The following PTPN20 variants were observed in gnomAD, a reference collection of about 807,000 sequenced individuals.
The protein encoded by PTPN20 is tyrosine-protein phosphatase non-receptor type 20.
A neutral mutation model predicts 35.0 loss-of-function variants in PTPN20; 9 were observed. The ratio of observed to expected loss-of-function variants is 0.26; its 90% CI spans 0.15 to 0.45. PTPN20 has a LOEUF of 0.45. PTPN20 is among the 20% of genes least tolerant of loss of function. The pLI, the probability that PTPN20 is intolerant of heterozygous loss-of-function variation, is 1.00. For synonymous variants in PTPN20, 32 were observed against 100.2 expected (o/e 0.32, Z 4.06); for missense variants, 111 against 312.5 (o/e 0.36, Z 4.86).
chr10:46,931,944 C>A (rs2039758143), intron 1 of PTPN20, among the ~76,000 whole-genome samples: 1 of 147,504 alleles, frequency 6.8e-6, no homozygotes, highest in Non-Finnish European at 1.5e-5. Flanking sequence ...ACAAGAACTC[C>A]TTGAAGACGG....
At position 46,940,628 on chromosome 10, in the gene PTPN20, G is replaced by C; in HGVS notation, c.40G>C (p.Asp14His). 1 of 1,610,936 alleles carries C rather than the reference G, an allele frequency of 6.2e-7. No homozygotes were observed. Among genetic ancestry groups the C allele is most frequent in the Non-Finnish European group, 8.5e-7 (1 of 1,179,646 alleles). Residue 14 changes from aspartate (D) to histidine (H), a missense_variant, in exon 3 of 11, where the codon GAT (aspartate) becomes CAT (histidine). By Grantham distance (81) the Asp-to-His change is moderately conservative. This residue lies in a region of PTPN20 where 22 missense variants were observed against 49.2 expected (regional missense o/e 0.45). Transcript: ENST00000374339. ...TTCCCCCCGCCTTTGTTCAGTAAACGATTATGAGGGAAATGACTCTGAAGC... is the reference window on the plus strand; with the variant it reads ...TTCCCCCCGCCTTTGTTCAGTAAACCATTATGAGGGAAATGACTCTGAAGC... ...PRDFRAEPVNDYEGNDSEAED... is the reference protein window; with the variant it reads ...PRDFRAEPVNHYEGNDSEAED...
chr10:47,002,721 T>G (rs1269879282), downstream of PTPN20, among the ~76,000 whole-genome samples: 1 of 151,926 alleles, frequency 6.6e-6, no homozygotes, highest in Non-Finnish European at 1.5e-5. Flanking sequence ...TACATATTTT[T>G]AAAGTTGTAT....
At chr10:47,000,530 G>A (rs1459915274) in intron 10 of PTPN20, 146 bp from the exon 11 acceptor site, 19 of 843,702 alleles carry the variant, frequency 2.3e-5, no homozygotes, top group South Asian at 1.2e-4. Flanking sequence ...ATGTATTCAC[G>A]TAAAGTTCTT....
At chr10:46,995,333 C>CT (rs878968027) in intron 9 of PTPN20, among the ~76,000 whole-genome samples, 39,583 of 86,436 alleles carry the variant, frequency 0.46, 10,358 homozygotes, top group African/African-American at 0.58. Flanking sequence ...TTTTTTTTTT[C>CT]TTTTTTTTTT....
At chr10:46,988,317 T>A (rs1159325896) in intron 9 of PTPN20, among the ~76,000 whole-genome samples, 1 of 121,516 alleles carries the variant, frequency 8.2e-6, no homozygotes, top group Non-Finnish European at 1.7e-5. Flanking sequence ...ATGTATACAA[T>A]GTGTAGTGAT....
intron 1 of PTPN20, among the ~76,000 whole-genome samples, chr10:46,929,959 AATG>A (rs2039021798): frequency 6.9e-6 from 1 of 144,530 alleles, no homozygotes; most frequent in Non-Finnish European, 1.5e-5. Flanking sequence ...AATTGAATTA[AATG>A]TTAATGATTT....
intron 9 of PTPN20, among the ~76,000 whole-genome samples, chr10:46,998,114 C>T (rs2138024507): frequency 6.6e-6 from 1 of 152,260 alleles, no homozygotes; most frequent in East Asian, 1.9e-4. Flanking sequence ...CCAGCAATAG[C>T]ACTCTTGGGG....
rs1242409057 is a variant in PTPN20 at position 47,000,695 on chromosome 10, A to T, written c.1217A>T (p.Tyr406Phe). The T allele has an allele frequency of 1.2e-5, 19 of 1,613,358 alleles. No individual in the cohort carries two copies. The highest frequency in any genetic ancestry group is 1.6e-5 in the Non-Finnish European group (19 of 1,179,552). The change falls in exon 11 of 11, where the codon TAC becomes TTC. Residue 406 changes from tyrosine to phenylalanine, a missense_variant. Coordinates refer to ENST00000374339, the MANE Select transcript of PTPN20 (RefSeq NM_001042357.5). ...ATATAGGAGCAGTATCACTTTTGTT[A>T]CGATATTGTGCTTGAAGTTCTTCGG... ...VQTKEQYHFCYDIVLEVLRKL... is the reference protein window; with the variant it reads ...VQTKEQYHFCFDIVLEVLRKL...
In PTPN20 at chr10:46,911,464, G is replaced by C; in HGVS notation, c.-161G>C. 3.3e-6 allele frequency: 1 copy of C among 300,888 alleles called. No homozygotes were observed. Among genetic ancestry groups the C allele is most frequent in the South Asian group, 2.7e-5 (1 of 37,318 alleles). The allele number at this position is 300,888 out of a possible 1,614,324, so 18.6% of individuals were successfully genotyped here. A position where few individuals can be genotyped will look rare whatever the true frequency, so the allele number is the denominator to read the frequency against. On this transcript the variant is annotated 5_prime_UTR_variant, in exon 1 of 11. Coordinates refer to ENST00000374339, the MANE Select transcript of PTPN20 (RefSeq NM_001042357.5). ...GGACCCAACTGGCGAGGCTGCTGGGGTTGCAGCGGGACAGTTGGGGCGGCC... is the reference window on the plus strand; with the variant it reads ...GGACCCAACTGGCGAGGCTGCTGGGCTTGCAGCGGGACAGTTGGGGCGGCC...
chr10:46,919,471 T>C (rs1372555200), intron 1 of PTPN20, among the ~76,000 whole-genome samples: 4 of 136,552 alleles, frequency 2.9e-5, no homozygotes, highest in African/African-American at 1.2e-4. Context: ...TTCTCCTCCA[T>C]GCTTCTTCTC....
intron 1 of PTPN20, among the ~76,000 whole-genome samples, chr10:46,917,661 CATT>C (rs1555104593): frequency 1.5e-5 from 1 of 68,046 alleles, no homozygotes; most frequent in African/African-American, 1.0e-4. Context: ...TTTTCTGGAA[CATT>C]TTGTATAGGA....
chr10:46,992,850 G>A (rs2058256341), intron 9 of PTPN20, among the ~76,000 whole-genome samples: 1 of 152,178 alleles, frequency 6.6e-6, no homozygotes, highest in African/African-American at 2.4e-5. Context: ...GAGGGCACGT[G>A]TTCTTTTATC....
chr10:46,940,692 G>C lies in PTPN20; in HGVS notation c.104G>C (p.Ser35Thr). 6.2e-7 allele frequency: 1 copy of C among 1,611,082 alleles called. No homozygotes were observed. The highest frequency in any genetic ancestry group is 1.1e-5 in the South Asian group (1 of 90,980). ...LNFRETLPSS[S>T]QENTPRSKVF... The stretch of plus-strand genomic sequence containing the variant: ...TTCAGGGAGACTTTGCCTTCATCAA[G>C]TCAGGAAAACACACCTAGATCAAAG... The change falls in exon 3 of 11, where the codon AGT becomes ACT. Residue 35 changes from serine to threonine, a missense_variant. By Grantham distance (58) the Ser-to-Thr change is moderately conservative (BLOSUM62 1). Transcript: ENST00000374339.
intron 2 of PTPN20, among the ~76,000 whole-genome samples, chr10:46,936,609 G>A (rs1442694881): frequency 2.0e-5 from 3 of 150,282 alleles, no homozygotes; most frequent in African/African-American, 7.4e-5. Flanking sequence ...GTTTATGGGA[G>A]GAGGTCAAAA....
intron 1 of PTPN20, among the ~76,000 whole-genome samples, chr10:46,924,872 GT>G (rs2036643326): frequency 7.7e-6 from 1 of 129,710 alleles, no homozygotes; most frequent in African/African-American, 3.1e-5. Flanking sequence ...TCAAGAATCA[GT>G]GAGTACTTTG....
chr10:46,994,481 G>C (rs1399242034), intron 9 of PTPN20, among the ~76,000 whole-genome samples: 1 of 151,714 alleles, frequency 6.6e-6, no homozygotes, highest in African/African-American at 2.4e-5. Context: ...ACAGGCGCCC[G>C]CCATCACGCC....
At position 47,000,834 on chromosome 10, in the gene PTPN20, AT is replaced by A; in HGVS notation, c.*94del. The stretch of plus-strand genomic sequence containing the variant: ...TTGCACTGTGCTGAAGGGCTTTGCT[AT>A]GCATACAATCTGCTTTCTTGGTTTA... On this transcript the variant is annotated 3_prime_UTR_variant, in exon 11 of 11. Transcript: ENST00000374339. The A allele has an allele frequency of 2.1e-6, 3 of 1,438,566 alleles. 1 individual carries two copies. In the South Asian group the frequency reaches 3.4e-5, roughly 16 times the overall value. 89.1% of individuals were successfully genotyped at this position (1,438,566 alleles called of 1,614,324 possible). A position where few individuals can be genotyped will look rare whatever the true frequency, so the allele number is the denominator to read the frequency against.
intron 5 of PTPN20, among the ~76,000 whole-genome samples, chr10:46,951,557 T>C (rs1565500838): frequency 6.6e-6 from 1 of 152,180 alleles, no homozygotes; most frequent in Non-Finnish European, 1.5e-5. Context: ...CTCCTAAATT[T>C]TCTTCAGAAT....
intron 1 of PTPN20, among the ~76,000 whole-genome samples, chr10:46,930,421 G>A (rs1453952150): frequency 6.6e-6 from 1 of 151,408 alleles, no homozygotes; most frequent in African/African-American, 2.4e-5. Context: ...AATTAAAATT[G>A]TACTATTTTG....
Sources: allele counts gnomAD v4.1 joint callset (sites outside exome capture counted in the v4.1 genomes callset), GRCh38; gene constraint gnomAD v4.1.1; regional missense constraint gnomAD v4.1.1; transcripts MANE v1.5; gene names NCBI Gene and HGNC (gene_info 2026-07-23, HGNC 2026-07-21).